PLCE1: variants seen among roughly 807,000 people sequenced by gnomAD.
The protein encoded by PLCE1 is phospholipase C epsilon 1.
A neutral mutation model predicts 242.8 loss-of-function variants in PLCE1; 119 were observed. The observed-to-expected ratio is 0.49, with a 90% confidence interval of 0.42 to 0.57. The LOEUF is 0.57. PLCE1 is among the 20% of genes least tolerant of loss of function. The pLI, the probability that PLCE1 is intolerant of heterozygous loss-of-function variation, is 0.00. For synonymous variants in PLCE1, 945 were observed against 1,017.4 expected, an observed-to-expected ratio of 0.93 and a Z score of 1.35; for missense variants, 2,441 against 2,788.8, an observed-to-expected ratio of 0.88 and a Z score of 2.81.
intron 4 of PLCE1, among the ~76,000 whole-genome samples, chr10:94,192,609 T>C (rs994476836): frequency 6.6e-6 from 1 of 152,240 alleles, no homozygotes; most frequent in Admixed American, 6.5e-5. Flanking sequence ...GATTCCATGT[T>C]TTCCTATTGT....
In PLCE1 at chr10:94,298,809, G is replaced by C. The variant is rs942907768; in HGVS notation, c.5458+140G>C. ...AGTAAAAATATGATGATGGAAAACAGAAGTGAATTTGATACTGAATTGTGC... is the reference window on the plus strand; with the variant it reads ...AGTAAAAATATGATGATGGAAAACACAAGTGAATTTGATACTGAATTGTGC... On this transcript the variant is annotated intron_variant, in intron 24 of 32. Coordinates refer to ENST00000371380, the MANE Select transcript of PLCE1 (RefSeq NM_016341.4). The surrounding 1 kb of genome is among the most constrained non-coding windows in gnomAD (Gnocchi z 5.2). 3 of 891,330 alleles carry C rather than the reference G, an allele frequency of 3.4e-6. No individual in the cohort carries two copies. The Admixed American group carries it at 5.6e-5, about 17-fold the overall frequency. 55.2% of individuals were successfully genotyped at this position (891,330 alleles called of 1,614,324 possible).
intron 2 of PLCE1, among the ~76,000 whole-genome samples, chr10:94,101,239 G>A (rs1244213085): frequency 4.6e-5 from 7 of 152,200 alleles, no homozygotes. Flanking sequence ...ACCCCTCGGG[G>A]CTTCGGTGTT....
At position 94,120,127 on chromosome 10, in the gene PLCE1, A is replaced by T. The variant is rs188363264; in HGVS notation, c.1207-12047A>T. 2.6e-3 allele frequency among the ~76,000 whole-genome samples: 392 copies of T among 151,038 alleles called. 4 individuals carry two copies. Among genetic ancestry groups the T allele is most frequent in the African/African-American group, 9.1e-3 (374 of 41,100 alleles). ...TCCTACTATTCTCTACCCTTACTCA[A>T]CTCCTCCATCCTGTCTGGGAGACTC... On this transcript the variant is annotated intron_variant, in intron 2 of 32. Transcript: ENST00000371380.
chr10:94,085,879 ATG>A (rs2044804728), intron 2 of PLCE1, among the ~76,000 whole-genome samples: 1 of 152,234 alleles, frequency 6.6e-6, no homozygotes, highest in African/African-American at 2.4e-5. Flanking sequence ...TCAACTGGCA[ATG>A]TGCCCACAGT....
rs1217927234 is a variant in PLCE1, at chr10:94,255,912, ACACTCTCTCTCTCTCTCTCT to A, written c.3554+865_3554+884del. 2.9e-3 allele frequency among the ~76,000 whole-genome samples: 253 copies of A among 87,014 alleles called. 1 individual carries two copies. The highest frequency in any genetic ancestry group is 0.012 in the African/African-American group (249 of 21,420). The allele number at this position is 87,014 out of a possible 152,430, so 57.1% of individuals were successfully genotyped here. A position where few individuals can be genotyped will look rare whatever the true frequency, so the allele number is the denominator to read the frequency against. On this transcript the variant is annotated intron_variant, in intron 11 of 32. Coordinates refer to ENST00000371380, the MANE Select transcript of PLCE1 (RefSeq NM_016341.4). The stretch of plus-strand genomic sequence containing the variant: ...CACACACACACACACACACACACAC[ACACTCTCTCTCTCTCTCTCT>A]CTCTCTCTCTCTCTCTCTCTCTCTC...
rs1388291583 is a variant in PLCE1, at chr10:94,279,597, T to C, written c.4666-185T>C. ...TCCAGGATTCTTCCTGTAGGAATGC[T>C]AACGTTCACCCAAGTGTTGACATTG... On this transcript the variant is annotated intron_variant, in intron 19 of 32. Transcript: ENST00000371380. 4.7e-6 allele frequency: 3 copies of C among 645,108 alleles called. No homozygotes were observed. In the African/African-American group the frequency reaches 5.5e-5, roughly 12 times the overall value. The allele number at this position is 645,108 out of a possible 1,614,324, so 40.0% of individuals were successfully genotyped here.
At chr10:94,036,267 A>G (rs1427049442) in intron 2 of PLCE1, among the ~76,000 whole-genome samples, 1 of 152,154 alleles carries the variant, frequency 6.6e-6, no homozygotes, top group Admixed American at 6.5e-5. Context: ...TCGAGAACAC[A>G]TTTCCACCAC....
At chr10:94,218,940 A>G in intron 4 of PLCE1, among the ~76,000 whole-genome samples, 1 of 147,270 alleles carries the variant, frequency 6.8e-6, no homozygotes, top group East Asian at 2.0e-4. Flanking sequence ...TTATAATTAT[A>G]TTATTATATA....
intron 13 of PLCE1, among the ~76,000 whole-genome samples, chr10:94,260,653 AT>A (rs1265884547): frequency 4.6e-5 from 7 of 151,252 alleles, no homozygotes; most frequent in African/African-American, 1.7e-4. Flanking sequence ...ATTTTCATGT[AT>A]TTTTTATTTT....
At chr10:94,005,447 C>T (rs1237947919) in intron 1 of PLCE1, among the ~76,000 whole-genome samples, 1 of 152,146 alleles carries the variant, frequency 6.6e-6, no homozygotes, top group East Asian at 1.9e-4. Context: ...ATTCTATATC[C>T]AGGATTTGCC....
chr10:94,220,624 T>C (rs2049707033), intron 4 of PLCE1, among the ~76,000 whole-genome samples: 1 of 151,718 alleles, frequency 6.6e-6, no homozygotes, highest in South Asian at 2.1e-4. Context: ...GTCTTCAGGA[T>C]TTCTGTGTTC....
In PLCE1 at chr10:94,251,751, C is replaced by A. The variant is rs2050884237; in HGVS notation, c.3097-565C>A. On this transcript the variant is annotated intron_variant, in intron 8 of 32. Transcript: ENST00000371380. ...ATGGTGTTCTGAGTCCCATGGGCTCCCTATCTTTAGATTTCAGCCACTCAA... is the reference window on the plus strand; with the variant it reads ...ATGGTGTTCTGAGTCCCATGGGCTCACTATCTTTAGATTTCAGCCACTCAA... 2.6e-5 allele frequency among the ~76,000 whole-genome samples: 4 copies of A among 152,054 alleles called. No individual in the cohort carries two copies. The South Asian group carries it at 8.3e-4, about 32-fold the overall frequency.
At chr10:94,063,855 G>A (rs1330739848) in intron 2 of PLCE1, among the ~76,000 whole-genome samples, 1 of 152,122 alleles carries the variant, frequency 6.6e-6, no homozygotes, top group Non-Finnish European at 1.5e-5. Flanking sequence ...ATAGTAATTA[G>A]TTAAAGTCAA....
intron 2 of PLCE1, among the ~76,000 whole-genome samples, chr10:94,111,372 G>GTCCTT (rs2045949772): frequency 1.3e-5 from 2 of 152,200 alleles, no homozygotes; most frequent in Non-Finnish European, 2.9e-5. Flanking sequence ...GTCACAAAAG[G>GTCCTT]AGGTGGAAGC....
rs564429595 is a variant in PLCE1, at chr10:94,321,815, A to G, written c.6343-86A>G. On this transcript the variant is annotated intron_variant, in intron 29 of 32. Transcript: ENST00000371380. ...GCTAAGAAGTTTCTACATCACCAAG[A>G]TACAAGCTCAGATTTTTGCTAGATT... 70 of 969,356 alleles carry G rather than the reference A, an allele frequency of 7.2e-5. No homozygotes were observed. The African/African-American group carries it at 1.0e-3, about 14-fold the overall frequency. 60.0% of individuals were successfully genotyped at this position (969,356 alleles called of 1,614,324 possible). A position where few individuals can be genotyped will look rare whatever the true frequency, so the allele number is the denominator to read the frequency against.
chr10:94,138,865 A>T (rs534123490), intron 3 of PLCE1: 5 of 179,264 alleles, frequency 2.8e-5, no homozygotes, highest in African/African-American at 9.6e-5. Context: ...TGGGAACCTG[A>T]GAATGCTGCC....
intron 4 of PLCE1, among the ~76,000 whole-genome samples, chr10:94,194,487 G>A (rs2048759835): frequency 6.6e-6 from 1 of 152,118 alleles, no homozygotes; most frequent in Non-Finnish European, 1.5e-5. Context: ...TTTTACATCT[G>A]TCTACCCGGA....
intron 2 of PLCE1, among the ~76,000 whole-genome samples, chr10:94,099,211 C>T (rs568510964): frequency 4.4e-4 from 67 of 152,238 alleles, no homozygotes; most frequent in African/African-American, 1.5e-3. Flanking sequence ...TTTAAAATAG[C>T]GAGGAAAAAC....
intron 2 of PLCE1, among the ~76,000 whole-genome samples, chr10:94,047,409 T>C (rs2043627760): frequency 6.6e-6 from 1 of 152,196 alleles, no homozygotes; most frequent in East Asian, 1.9e-4. Flanking sequence ...CAGGAGTCCA[T>C]GGGATTTATT....
Sources: gnomAD v4.1 joint callset for allele counts (sites outside exome capture counted in the v4.1 genomes callset) on GRCh38, gnomAD v4.1.1 for gene constraint, Gnocchi (gnomAD v3.1) non-coding constraint, MANE v1.5 for transcripts, NCBI Gene and HGNC (gene_info 2026-07-23, HGNC 2026-07-21) for gene names.